Variants in PTPRN2 observed in about 807,000 individuals in gnomAD.
PTPRN2 encodes the protein receptor-type tyrosine-protein phosphatase N2.
PTPRN2 carries 74 observed loss-of-function variants against 118.8 expected under a neutral mutation model. The observed-to-expected ratio is 0.62, with a 90% CI of 0.52 to 0.76. PTPRN2 has a LOEUF of 0.76. Ranked by LOEUF, PTPRN2 falls within the 30% of genes least tolerant of loss-of-function variation. The probability of loss-of-function intolerance (pLI) is 0.00; values close to 1 mark genes in which losing one functional copy is unlikely to be tolerated. For missense variants in PTPRN2, 1,481 were observed against 1,394.4 expected (o/e 1.06, Z -0.99); for synonymous variants, 641 against 608.0 (o/e 1.05, Z -0.80).
chr7:158,267,778 C>T (rs2150949271), intron 3 of PTPRN2, among the ~76,000 whole-genome samples: 1 of 152,286 alleles, frequency 6.6e-6, no homozygotes, highest in Middle Eastern at 3.4e-3. Context: ...GCAAAAAACC[C>T]AACCTCTATG....
chr7:158,319,369 C>T lies in PTPRN2; in HGVS notation c.164-2437G>A, dbSNP rs973841867. Among the ~76,000 whole-genome samples the T allele has an allele frequency of 4.0e-5, 6 of 151,314 alleles. No individual in the cohort carries two copies. In the South Asian group the frequency reaches 8.3e-4, roughly 21 times the overall value. On this transcript the variant is annotated intron_variant, in intron 2 of 22. Coordinates refer to ENST00000389418, the MANE Select transcript of PTPRN2 (RefSeq NM_002847.5). ...AAAGTAGGGATATTTTCCATGCATC[C>T]TCACACATGCACACACACACACAGC...
chr7:157,795,168 G>A (rs1454781725), intron 12 of PTPRN2, among the ~76,000 whole-genome samples: 3 of 127,460 alleles, frequency 2.4e-5, no homozygotes, highest in African/African-American at 8.3e-5. Flanking sequence ...GGTCGGGGGC[G>A]GGGGGGGCTC....
At chr7:158,141,920 T>A (rs1417049434) in intron 6 of PTPRN2, among the ~76,000 whole-genome samples, 1 of 152,206 alleles carries the variant, frequency 6.6e-6, no homozygotes, top group Non-Finnish European at 1.5e-5. Context: ...ACACGGGCGT[T>A]CTGATCGGAG....
At chr7:158,114,009 G>T (rs1429332474) in intron 9 of PTPRN2, among the ~76,000 whole-genome samples, 1 of 152,244 alleles carries the variant, frequency 6.6e-6, no homozygotes, top group Non-Finnish European at 1.5e-5. Context: ...CCAGGCCCAT[G>T]CCTGTCCTGC....
At chr7:158,272,361 G>C (rs1346452219) in intron 3 of PTPRN2, among the ~76,000 whole-genome samples, 1 of 152,226 alleles carries the variant, frequency 6.6e-6, no homozygotes, top group East Asian at 1.9e-4. Flanking sequence ...AATTGCAGCA[G>C]AGCTTTAAAG....
intron 2 of PTPRN2, among the ~76,000 whole-genome samples, chr7:158,332,399 A>C (rs1410268166): frequency 1.5e-5 from 2 of 129,598 alleles, no homozygotes; most frequent in Non-Finnish European, 3.6e-5. Flanking sequence ...TGTCACTCAC[A>C]CCCATACTCT....
chr7:158,260,210 C>T (rs984424782), intron 3 of PTPRN2, among the ~76,000 whole-genome samples: 1 of 152,202 alleles, frequency 6.6e-6, no homozygotes, highest in Non-Finnish European at 1.5e-5. Flanking sequence ...GCCTAAAACA[C>T]GACAAAGCAA....
intron 3 of PTPRN2, among the ~76,000 whole-genome samples, chr7:158,263,353 CAT>C (rs10577937): frequency 0.045 from 6,813 of 151,950 alleles, 180 homozygotes; most frequent in East Asian, 0.11. Context: ...CATGTGTACA[CAT>C]ATGAGCACAC....
intron 12 of PTPRN2, among the ~76,000 whole-genome samples, chr7:157,750,107 A>T (rs1015975801): frequency 2.9e-4 from 44 of 152,028 alleles, no homozygotes; most frequent in African/African-American, 1.0e-3. Flanking sequence ...CTTGGCATGC[A>T]TACTCAGGCC....
chr7:157,547,313 G>A (rs1452983225), intron 22 of PTPRN2, among the ~76,000 whole-genome samples: 1 of 152,146 alleles, frequency 6.6e-6, no homozygotes, highest in African/African-American at 2.4e-5. Context: ...GCCAGAAGGT[G>A]GTATGTGCCA....
chr7:157,803,645 A>G (rs919371942), intron 12 of PTPRN2, among the ~76,000 whole-genome samples: 7 of 152,142 alleles, frequency 4.6e-5, no homozygotes, highest in African/African-American at 1.7e-4. Context: ...GTTCTTTTGC[A>G]TGTGGACATC....
At chr7:158,334,616 G>A (rs1173958540) in intron 2 of PTPRN2, among the ~76,000 whole-genome samples, 70 of 82,192 alleles carry the variant, frequency 8.5e-4, no homozygotes, top group African/African-American at 3.4e-3. Context: ...AAGAGCCGAC[G>A]CCCGCAGACG....
rs73746410 is a variant in PTPRN2 at position 158,176,763 on chromosome 7, C to T, written c.550-9472G>A. Among the ~76,000 whole-genome samples, 1,256 of 152,284 alleles carry T rather than the reference C, an allele frequency of 8.2e-3. 17 individuals carry two copies. Among genetic ancestry groups the T allele is most frequent in the African/African-American group, 0.028 (1,159 of 41,564 alleles). Reference sequence around the variant, plus strand: ...TGGGGCCAATTTTCCACCAGAGCTCCGCTTCCCACCAAAGGTCATAAGAAC... The same window carrying T: ...TGGGGCCAATTTTCCACCAGAGCTCTGCTTCCCACCAAAGGTCATAAGAAC... On this transcript the variant is annotated intron_variant, in intron 5 of 22. Coordinates refer to ENST00000389418, the MANE Select transcript of PTPRN2 (RefSeq NM_002847.5).
intron 20 of PTPRN2, among the ~76,000 whole-genome samples, chr7:157,569,811 T>A (rs1799671372): frequency 6.6e-6 from 1 of 152,246 alleles, no homozygotes; most frequent in South Asian, 2.1e-4. Context: ...CACCCATGAC[T>A]GGCTTTTAAA....
In PTPRN2 at chr7:157,909,388, G is replaced by A. The variant is rs116118873; in HGVS notation, c.1724-10651C>T. On this transcript the variant is annotated intron_variant, in intron 11 of 22. Transcript: ENST00000389418. The stretch of plus-strand genomic sequence containing the variant: ...GGACAGGGGCTGACTCTATACACTG[G>A]GGGGGGGAGGATGCTGGCCACTCAA... 4.4e-3 allele frequency among the ~76,000 whole-genome samples: 661 copies of A among 151,748 alleles called. 3 individuals are homozygous for A. The highest frequency in any genetic ancestry group is 7.6e-3 in the Non-Finnish European group (516 of 67,816).
intron 1 of PTPRN2, among the ~76,000 whole-genome samples, chr7:158,525,000 C>T (rs1212766636): frequency 1.3e-5 from 2 of 152,192 alleles, no homozygotes; most frequent in African/African-American, 4.8e-5. Flanking sequence ...CACTGCCCTT[C>T]GAAGTGTGGC....
chr7:157,960,414 T>C (rs1281292520), intron 11 of PTPRN2, among the ~76,000 whole-genome samples: 1 of 152,174 alleles, frequency 6.6e-6, no homozygotes, highest in Non-Finnish European at 1.5e-5. Flanking sequence ...TGTTTTAAAC[T>C]GTAAATCAAT....
At chr7:158,419,186 G>A (rs1404523811) in intron 2 of PTPRN2, among the ~76,000 whole-genome samples, 1 of 152,212 alleles carries the variant, frequency 6.6e-6, no homozygotes, top group South Asian at 2.1e-4. Flanking sequence ...GGGTTCTGGA[G>A]CCTGAAGACA....
At chr7:158,581,351 G>A (rs1828616186) in intron 1 of PTPRN2, among the ~76,000 whole-genome samples, 1 of 152,170 alleles carries the variant, frequency 6.6e-6, no homozygotes, top group Non-Finnish European at 1.5e-5. Context: ...GGAAGGCTCA[G>A]GGGTTCAAGA....
Sources: allele counts gnomAD v4.1 joint callset (sites outside exome capture counted in the v4.1 genomes callset), GRCh38; gene constraint gnomAD v4.1.1; transcripts MANE v1.5; gene names NCBI Gene and HGNC (gene_info 2026-07-23, HGNC 2026-07-21).